The following THSD4 variants were observed in gnomAD, a reference collection of about 807,000 sequenced individuals.
The protein encoded by THSD4 is thrombospondin type 1 domain containing 4.
Under a neutral mutation model 119.0 loss-of-function variants are expected in THSD4, and 69 were observed. The observed-to-expected ratio is 0.58, with a 90% confidence interval of 0.48 to 0.71. The LOEUF is 0.71. Among genes scored for constraint, THSD4 ranks in the 30% least tolerant of loss-of-function variants. THSD4 has a pLI of 0.00. For missense variants in THSD4, 1,393 were observed against 1,391.1 expected (o/e 1.00, Z -0.02); for synonymous variants, 524 against 540.4 (o/e 0.97, Z 0.42).
intron 7 of THSD4, among the ~76,000 whole-genome samples, chr15:71,638,515 T>C (rs1427426172): frequency 6.6e-6 from 1 of 152,230 alleles, no homozygotes; most frequent in African/African-American, 2.4e-5. Context: ...ATTCTATGTC[T>C]ATGAACAGTA....
intron 2 of THSD4, among the ~76,000 whole-genome samples, chr15:71,143,685 C>CTTTTT (rs11462253): frequency 8.7e-6 from 1 of 114,952 alleles, no homozygotes; most frequent in African/African-American, 3.3e-5. Flanking sequence ...TTTTTTCTTT[C>CTTTTT]TTTTTTTTTT....
At chr15:71,729,058 T>G (rs1315134477) in intron 9 of THSD4, 2 of 294,230 alleles carry the variant, frequency 6.8e-6, no homozygotes, top group East Asian at 1.5e-4. Context: ...ACTTTCCTTA[T>G]ACTGCTAATT....
At chr15:71,365,131 T>TTGTGTGTGTGTG (rs10690804) in intron 6 of THSD4, among the ~76,000 whole-genome samples, 1,526 of 135,884 alleles carry the variant, frequency 0.011, 34 homozygotes, top group African/African-American at 0.03. Context: ...GCCCCCCCCA[T>TTGTGTGTGTGTG]TGTGTGTGTG....
chr15:71,748,832 T>C (rs2053391125), intron 14 of THSD4, among the ~76,000 whole-genome samples: 1 of 152,166 alleles, frequency 6.6e-6, no homozygotes, highest in Non-Finnish European at 1.5e-5. Context: ...CTCCATGTGG[T>C]CACTCCATAA....
intron 6 of THSD4, among the ~76,000 whole-genome samples, chr15:71,384,731 G>A (rs535302511): frequency 2.6e-5 from 4 of 152,260 alleles, no homozygotes; most frequent in East Asian, 3.9e-4. Flanking sequence ...GTGCAGTGCC[G>A]TTCATTTGGA....
intron 15 of THSD4, among the ~76,000 whole-genome samples, chr15:71,758,377 T>C (rs751928073): frequency 1.3e-5 from 2 of 152,200 alleles, no homozygotes. Flanking sequence ...ATGCTGGCAG[T>C]GATGGTACCT....
intron 6 of THSD4, among the ~76,000 whole-genome samples, chr15:71,408,226 G>GGTT (rs987660185): frequency 3.3e-5 from 5 of 151,888 alleles, no homozygotes; most frequent in Non-Finnish European, 5.9e-5. Context: ...ACCCTTCAAA[G>GGTT]GTTGTTGTTG....
At chr15:71,755,819 A>G (rs2053529359) in intron 14 of THSD4, among the ~76,000 whole-genome samples, 1 of 152,074 alleles carries the variant, frequency 6.6e-6, no homozygotes, top group African/African-American at 2.4e-5. Flanking sequence ...GAACATCTTA[A>G]ATTGGACACT....
intron 7 of THSD4, among the ~76,000 whole-genome samples, chr15:71,634,247 GC>G (rs760786035): frequency 2.6e-4 from 36 of 138,226 alleles, no homozygotes; most frequent in Non-Finnish European, 4.5e-4. Flanking sequence ...TCACTGGGTT[GC>G]TGTGAGGATT....
chr15:71,265,334 C>A (rs2044451181), intron 6 of THSD4, among the ~76,000 whole-genome samples: 1 of 152,232 alleles, frequency 6.6e-6, no homozygotes, highest in South Asian at 2.1e-4. Context: ...CTCTGCATCA[C>A]CCAGGAAGCA....
chr15:71,611,214 C>A (rs531553458), intron 7 of THSD4, among the ~76,000 whole-genome samples: 1 of 152,198 alleles, frequency 6.6e-6, no homozygotes, highest in Non-Finnish European at 1.5e-5. Flanking sequence ...CCAGTTTCAG[C>A]GCATGGACTC....
intron 15 of THSD4, among the ~76,000 whole-genome samples, chr15:71,763,554 A>AT (rs10647138): frequency 5.5e-4 from 79 of 144,942 alleles, no homozygotes; most frequent in East Asian, 3.3e-3. Context: ...CTAAAAACAA[A>AT]TTTTTTTTTT....
chr15:71,780,523 C>A lies in THSD4; in HGVS notation c.*3149C>A, dbSNP rs1051396396. ...GGCCTAAGAAATACAACTAAAAAAA[C>A]AAACAAAAACACCAAAAGAAAAAAA... On this transcript the variant is annotated 3_prime_UTR_variant, in exon 18 of 18. Coordinates refer to ENST00000261862, the MANE Select transcript of THSD4 (RefSeq NM_024817.3). The A allele has an allele frequency of 3.3e-6, 1 of 305,266 alleles. No individual in the cohort carries two copies. 18.9% of individuals were successfully genotyped at this position (305,266 alleles called of 1,614,324 possible).
chr15:71,121,483 TTTGA>T (rs2040408826), intron 1 of THSD4, among the ~76,000 whole-genome samples: 2 of 152,172 alleles, frequency 1.3e-5, no homozygotes, highest in African/African-American at 4.8e-5. Flanking sequence ...CAACTGACTC[TTTGA>T]TTGATCTCCC....
intron 7 of THSD4, among the ~76,000 whole-genome samples, chr15:71,559,824 G>T (rs2089978710): frequency 1.3e-5 from 2 of 152,150 alleles, no homozygotes; most frequent in Non-Finnish European, 2.9e-5. Context: ...CTACATTAGA[G>T]AAAAGTGATT....
intron 3 of THSD4, among the ~76,000 whole-genome samples, chr15:71,169,254 A>G (rs2043328152): frequency 6.6e-6 from 1 of 152,242 alleles, no homozygotes. Context: ...TGACACTACC[A>G]GAATGGCTAA....
intron 7 of THSD4, among the ~76,000 whole-genome samples, chr15:71,456,162 A>C (rs1249350107): frequency 1.3e-5 from 2 of 152,190 alleles, no homozygotes; most frequent in Non-Finnish European, 2.9e-5. Flanking sequence ...CTTTTGGATT[A>C]CTTAAATAAA....
intron 6 of THSD4, among the ~76,000 whole-genome samples, chr15:71,302,944 C>A (rs1344771995): frequency 6.6e-6 from 1 of 152,096 alleles, no homozygotes; most frequent in Non-Finnish European, 1.5e-5. Flanking sequence ...CCTGCGAGTT[C>A]TTGGTTTGGT....
chr15:71,344,215 T>C (rs947139859), intron 6 of THSD4, among the ~76,000 whole-genome samples: 5 of 151,964 alleles, frequency 3.3e-5, no homozygotes, highest in African/African-American at 1.2e-4. Flanking sequence ...AATTTTGTTT[T>C]TGTATTTTTA....
Sources: gnomAD v4.1 joint callset for allele counts (sites outside exome capture counted in the v4.1 genomes callset) on GRCh38, gnomAD v4.1.1 for gene constraint, MANE v1.5 for transcripts, NCBI Gene and HGNC (gene_info 2026-07-23, HGNC 2026-07-21) for gene names.